The following PACSIN1 variants were observed in gnomAD, a reference collection of about 807,000 sequenced individuals.
PACSIN1 encodes protein kinase C and casein kinase substrate in neurons 1.
A neutral mutation model predicts 59.5 loss-of-function variants in PACSIN1; 15 were observed. That is an observed-to-expected ratio of 0.25 (90% CI 0.17 to 0.39). PACSIN1 has a LOEUF of 0.39. Among genes scored for constraint, PACSIN1 ranks in the 10% least tolerant of loss-of-function variants. The pLI is 1.00. For missense variants in PACSIN1, 420 were observed against 580.2 expected (o/e 0.72, Z 2.84); for synonymous variants, 210 against 220.6 (o/e 0.95, Z 0.42).
At chr6:34,486,030 A>G (rs1766788507) in intron 1 of PACSIN1, among the ~76,000 whole-genome samples, 1 of 152,142 alleles carries the variant, frequency 6.6e-6, no homozygotes, top group Non-Finnish European at 1.5e-5. Context: ...ACTTTCTCTT[A>G]AATGAGAGAA....
chr6:34,466,901 C>G (rs1021933451), intron 1 of PACSIN1, among the ~76,000 whole-genome samples: 1 of 152,124 alleles, frequency 6.6e-6, no homozygotes, highest in Non-Finnish European at 1.5e-5. Context: ...TGCCTCTGCC[C>G]CTTATTTTCA....
In PACSIN1 at chr6:34,466,996, C is replaced by T. The variant is rs1332591386; in HGVS notation, c.-64+726C>T. Among the ~76,000 whole-genome samples the T allele has an allele frequency of 2.0e-5, 3 of 152,298 alleles. No homozygotes were observed. The East Asian group carries it at 5.8e-4, about 29-fold the overall frequency. On this transcript the variant is annotated intron_variant, in intron 1 of 9. Coordinates refer to ENST00000244458, the MANE Select transcript of PACSIN1 (RefSeq NM_020804.5). ...AACCCGGGAGCTTGGCCAGACCCAG[C>T]TTCAAGCCCCAGCTGCCCCTACCCA...
At position 34,530,883 on chromosome 6, in the gene PACSIN1, T is replaced by C. The variant is rs1170775912; in HGVS notation, c.1037+296T>C. On this transcript the variant is annotated intron_variant, in intron 8 of 9. Coordinates refer to ENST00000244458, the MANE Select transcript of PACSIN1 (RefSeq NM_020804.5). This position sits in a 1 kb window ranked among gnomAD's most constrained non-coding sequence, Gnocchi z 4.4. ...CTAAGGAACGTGCAACCTGGATCCC[T>C]CGCATGCGCAGTTCACAATAGGGGG... is the stretch of plus-strand genomic sequence containing the variant. 6.6e-6 allele frequency among the ~76,000 whole-genome samples: 1 copy of C among 152,178 alleles called. No individual in the cohort carries two copies. Among genetic ancestry groups the C allele is most frequent in the African/African-American group, 2.4e-5 (1 of 41,440 alleles).
Position 34,528,823 on chromosome 6 carries a change from G to A in PACSIN1, c.402G>A (p.Glu134=), listed in dbSNP as rs775044885. Reference sequence around the variant, plus strand: ...TGGGTGGCTTCAAGGAGACGAAGGAGGCTGAAGATGGCTTCCGCAAGGCCC... The same window carrying A: ...TGGGTGGCTTCAAGGAGACGAAGGAAGCTGAAGATGGCTTCCGCAAGGCCC... The part of the protein sequence containing the change: ...QIMGGFKETK[E]AEDGFRKAQK... The change falls in exon 4 of 10, where the codon GAG becomes GAA. Residue 134 remains glutamate, a synonymous_variant. Transcript: ENST00000244458. 17 of 1,613,544 alleles carry A rather than the reference G, an allele frequency of 1.1e-5. No individual in the cohort carries two copies. Among genetic ancestry groups the A allele is most frequent in the Non-Finnish European group, 1.4e-5 (17 of 1,179,996 alleles).
rs367591348 is a variant in PACSIN1, at chr6:34,481,662, T to G, written c.-64+15392T>G. Among the ~76,000 whole-genome samples the G allele has an allele frequency of 1.9e-4, 28 of 149,248 alleles. 1 individual carries two copies. The East Asian group carries it at 2.4e-3, about 13-fold the overall frequency. ...TCCAGCCTGGGCGACAGAGCAAGAC[T>G]CCATCTAAAAAAAAAAAAAAGAAAA... On this transcript the variant is annotated intron_variant, in intron 1 of 9. Transcript: ENST00000244458.
At chr6:34,512,860 C>T (rs10947508) in intron 1 of PACSIN1, among the ~76,000 whole-genome samples, 24,685 of 152,268 alleles carry the variant, frequency 0.16, 2,587 homozygotes, top group Non-Finnish European at 0.23. Flanking sequence ...GCTTGGCAGA[C>T]CGAGGGCTCG....
At chr6:34,513,552 G>T (rs932352094) in intron 1 of PACSIN1, among the ~76,000 whole-genome samples, 7 of 152,172 alleles carry the variant, frequency 4.6e-5, no homozygotes, top group Non-Finnish European at 8.8e-5. Context: ...CCTCCTGGGG[G>T]TGGCAGAAGT....
chr6:34,479,746 A>T (rs1284412574), intron 1 of PACSIN1, among the ~76,000 whole-genome samples: 2 of 152,004 alleles, frequency 1.3e-5, no homozygotes, highest in African/African-American at 2.4e-5. Context: ...AGGAGCCACC[A>T]CACTTGGTTT....
intron 1 of PACSIN1, among the ~76,000 whole-genome samples, chr6:34,505,374 C>G (rs1051122099): frequency 6.6e-6 from 1 of 151,926 alleles, no homozygotes; most frequent in Non-Finnish European, 1.5e-5. Flanking sequence ...CATTGTTTGT[C>G]TTTTGCCAAG....
intron 1 of PACSIN1, among the ~76,000 whole-genome samples, chr6:34,506,489 G>A (rs1268368877): frequency 6.6e-6 from 1 of 152,230 alleles, no homozygotes; most frequent in Non-Finnish European, 1.5e-5. Flanking sequence ...TGCTAGAATT[G>A]CAGGCGTGAG....
At chr6:34,467,718 C>T (rs185633934) in intron 1 of PACSIN1, among the ~76,000 whole-genome samples, 1 of 151,960 alleles carries the variant, frequency 6.6e-6, no homozygotes, top group Non-Finnish European at 1.5e-5. Context: ...ACCACCACAC[C>T]CGGCTAATTT....
At chr6:34,492,195 CTTTTTTTTTTT>C (rs55745060) in intron 1 of PACSIN1, among the ~76,000 whole-genome samples, 2 of 80,182 alleles carry the variant, frequency 2.5e-5, no homozygotes, top group African/African-American at 9.5e-5. Context: ...CTTTTTTGAC[CTTTTTTTTTTT>C]TTTTTTTTTT....
At chr6:34,471,966 TG>T (rs563653624) in intron 1 of PACSIN1, among the ~76,000 whole-genome samples, 1 of 152,232 alleles carries the variant, frequency 6.6e-6, no homozygotes, top group Non-Finnish European at 1.5e-5. Flanking sequence ...TGAGACAAGA[TG>T]GGGCGGAGCT....
chr6:34,515,212 G>A lies in PACSIN1; in HGVS notation c.-63-11031G>A, dbSNP rs1350015803. 1 of 152,810 alleles carries A rather than the reference G, an allele frequency of 6.5e-6. No individual in the cohort carries two copies. The highest frequency in any genetic ancestry group is 2.4e-5 in the African/African-American group (1 of 41,476). 9.5% of individuals were successfully genotyped at this position (152,810 alleles called of 1,614,324 possible). A position where few individuals can be genotyped will look rare whatever the true frequency, so the allele number is the denominator to read the frequency against. ...GACCAGGCTGGGGAGCGGGGTGTGG[G>A]GCGCAGCCAGCATCCTGAGAGGTCT... On this transcript the variant is annotated intron_variant, in intron 1 of 9. Coordinates refer to ENST00000244458, the MANE Select transcript of PACSIN1 (RefSeq NM_020804.5). The surrounding 1 kb of genome is among the most constrained non-coding windows in gnomAD (Gnocchi z 4.4).
At chr6:34,491,205 T>A (rs998855285) in intron 1 of PACSIN1, among the ~76,000 whole-genome samples, 1 of 152,188 alleles carries the variant, frequency 6.6e-6, no homozygotes, top group Non-Finnish European at 1.5e-5. Flanking sequence ...GGCCCTTGGC[T>A]TTCTCACTTG....
intron 1 of PACSIN1, among the ~76,000 whole-genome samples, chr6:34,480,438 C>T (rs1196431848): frequency 1.3e-5 from 2 of 151,726 alleles, no homozygotes; most frequent in Non-Finnish European, 2.9e-5. Flanking sequence ...TTTGCCCAGG[C>T]TGGTCTTGAA....
intron 1 of PACSIN1, among the ~76,000 whole-genome samples, chr6:34,501,823 G>A (rs1328040611): frequency 6.6e-6 from 1 of 152,118 alleles, no homozygotes; most frequent in East Asian, 1.9e-4. Flanking sequence ...GAGGTCAGGA[G>A]ATCGAGGCCA....
intron 1 of PACSIN1, among the ~76,000 whole-genome samples, chr6:34,478,773 G>A (rs565535258): frequency 2.6e-5 from 4 of 152,206 alleles, no homozygotes; most frequent in Admixed American, 2.0e-4. Context: ...TATAAAATAG[G>A]TTGTACATTT....
At chr6:34,512,284 A>G (rs1373848175) in intron 1 of PACSIN1, among the ~76,000 whole-genome samples, 1 of 139,354 alleles carries the variant, frequency 7.2e-6, no homozygotes, top group Non-Finnish European at 1.5e-5. Context: ...CCTGTCTGGA[A>G]TCCATTGAGT....
Sources: allele counts gnomAD v4.1 joint callset (sites outside exome capture counted in the v4.1 genomes callset), GRCh38; gene constraint gnomAD v4.1.1; non-coding constraint Gnocchi (gnomAD v3.1); transcripts MANE v1.5; gene names NCBI Gene and HGNC (gene_info 2026-07-23, HGNC 2026-07-21).